The following MNAT1 variants were observed in gnomAD, a reference collection of about 807,000 sequenced individuals.
MNAT1 encodes CDK-activating kinase assembly factor MAT1.
Under a neutral mutation model 42.0 loss-of-function variants are expected in MNAT1, and 43 were observed. That is an observed-to-expected ratio of 1.02 (90% CI 0.80 to 1.32). MNAT1 has a LOEUF of 1.32. MNAT1 is among the 40% of genes most tolerant of loss of function. The pLI, the probability that MNAT1 is intolerant of heterozygous loss-of-function variation, is 0.00. For missense variants in MNAT1, 306 were observed against 350.4 expected (o/e 0.87, Z 1.01); for synonymous variants, 118 against 120.0 (o/e 0.98, Z 0.11).
intron 7 of MNAT1, among the ~76,000 whole-genome samples, chr14:60,929,166 AAAAAATAT>A (rs1336865594): frequency 1.8e-4 from 19 of 106,678 alleles, no homozygotes; most frequent in African/African-American, 8.4e-4. Context: ...AAAAAAAAAA[AAAAAATAT>A]ATATATATAT....
intron 1 of MNAT1, among the ~76,000 whole-genome samples, chr14:60,772,443 G>A (rs1391705743): frequency 2.6e-5 from 4 of 152,028 alleles, no homozygotes; most frequent in African/African-American, 4.8e-5. Context: ...AAATTAGCCC[G>A]GTGTGGTGGC....
chr14:60,938,886 A>G (rs542871517), intron 7 of MNAT1, among the ~76,000 whole-genome samples: 17 of 152,276 alleles, frequency 1.1e-4, no homozygotes, highest in Middle Eastern at 3.4e-3. Flanking sequence ...TTGGTAAGCT[A>G]TTAATTATTG....
intron 3 of MNAT1, among the ~76,000 whole-genome samples, chr14:60,804,883 T>C (rs1566773342): frequency 2.0e-5 from 3 of 152,140 alleles, no homozygotes. Flanking sequence ...CTGGGCTCTA[T>C]TTAATGGAAA....
At chr14:60,747,831 C>A (rs1566749834) in intron 1 of MNAT1, among the ~76,000 whole-genome samples, 2 of 152,182 alleles carry the variant, frequency 1.3e-5, no homozygotes, top group Non-Finnish European at 2.9e-5. Context: ...GCTTAAAACA[C>A]AAATTATGCA....
intron 3 of MNAT1, among the ~76,000 whole-genome samples, chr14:60,806,555 C>T (rs1229859149): frequency 6.6e-6 from 1 of 152,186 alleles, no homozygotes; most frequent in Non-Finnish European, 1.5e-5. Flanking sequence ...AATGGCTGGG[C>T]ATGGTGGCTC....
chr14:60,947,647 C>T (rs141571315), intron 7 of MNAT1, among the ~76,000 whole-genome samples: 1,604 of 152,270 alleles, frequency 0.011, 11 homozygotes, highest in Non-Finnish European at 0.016. Flanking sequence ...TGTGCCACTG[C>T]ACTCCAGCCT....
chr14:60,797,898 C>T (rs1337162709), intron 2 of MNAT1, among the ~76,000 whole-genome samples, 189 bp from the exon 3 acceptor site: 1 of 151,828 alleles, frequency 6.6e-6, no homozygotes, highest in Non-Finnish European at 1.5e-5. Context: ...CCACTGCACT[C>T]CAGCCTGGAC....
chr14:60,878,231 G>A (rs985030178), intron 6 of MNAT1, among the ~76,000 whole-genome samples: 2 of 152,028 alleles, frequency 1.3e-5, no homozygotes, highest in Admixed American at 1.3e-4. Context: ...CTCAATATAA[G>A]CTCCATCAGG....
chr14:60,909,840 G>GT (rs1159271363), intron 7 of MNAT1, among the ~76,000 whole-genome samples: 1 of 151,806 alleles, frequency 6.6e-6, no homozygotes, highest in Non-Finnish European at 1.5e-5. Flanking sequence ...CTTTAAAGTA[G>GT]TTTTTTCCAA....
At chr14:60,866,348 G>A (rs2034202725) in intron 6 of MNAT1, among the ~76,000 whole-genome samples, 1 of 148,560 alleles carries the variant, frequency 6.7e-6, no homozygotes, top group Non-Finnish European at 1.5e-5. Flanking sequence ...ACTTTAGAAC[G>A]GAATCCTTGT....
intron 7 of MNAT1, among the ~76,000 whole-genome samples, chr14:60,967,214 T>G (rs2036698057): frequency 6.6e-6 from 1 of 152,204 alleles, no homozygotes. Context: ...TGGATACAGA[T>G]GAAAAACAGA....
At chr14:60,883,722 T>G (rs2034599848) in intron 7 of MNAT1, among the ~76,000 whole-genome samples, 1 of 152,158 alleles carries the variant, frequency 6.6e-6, no homozygotes, top group Non-Finnish European at 1.5e-5. Context: ...ATGGAATATC[T>G]TTTGTGTGTG....
chr14:60,741,694 G>A (rs1034424744), intron 1 of MNAT1, among the ~76,000 whole-genome samples: 1 of 99,962 alleles, frequency 1.0e-5, no homozygotes, highest in African/African-American at 3.8e-5. Flanking sequence ...TTTTAGTAGA[G>A]ATGGGGTCTT....
chr14:60,968,835 G>A lies in MNAT1; in HGVS notation c.*486G>A, dbSNP rs4151413. The A allele has an allele frequency of 1.1e-3, 272 of 237,078 alleles. 10 individuals carry two copies. In the East Asian group the frequency reaches 0.031, roughly 27 times the overall value. The allele number at this position is 237,078 out of a possible 1,614,324, so 14.7% of individuals were successfully genotyped here. On this transcript the variant is annotated 3_prime_UTR_variant, in exon 8 of 8. Coordinates refer to ENST00000261245, the MANE Select transcript of MNAT1 (RefSeq NM_002431.4). ...GTCTTGTTAATACTAGTCCAGACAA[G>A]TGGATATATTTCCTTTGACCAAGTT...
intron 7 of MNAT1, among the ~76,000 whole-genome samples, chr14:60,955,458 TG>T (rs2036470775): frequency 6.6e-6 from 1 of 152,036 alleles, no homozygotes; most frequent in African/African-American, 2.4e-5. Context: ...GGTCAGGAGT[TG>T]AAGACCAGCC....
In MNAT1 at chr14:60,780,659, C is replaced by T. The variant is rs944989864; in HGVS notation, c.90-15558C>T. On this transcript the variant is annotated intron_variant, in intron 1 of 7. Transcript: ENST00000261245. ...TGTGGTTTTCCTGAAATCAAGTCAT[C>T]TATAGTTGATATGTTTTATTTCATT... 51 of 976,792 alleles carry T rather than the reference C, an allele frequency of 5.2e-5. No homozygotes were observed. The African/African-American group carries it at 7.6e-4, about 15-fold the overall frequency. The allele number at this position is 976,792 out of a possible 1,614,324, so 60.5% of individuals were successfully genotyped here.
At chr14:60,921,633 T>C (rs1347991841) in intron 7 of MNAT1, among the ~76,000 whole-genome samples, 1 of 152,176 alleles carries the variant, frequency 6.6e-6, no homozygotes, top group East Asian at 1.9e-4. Flanking sequence ...GTTGGTTCTG[T>C]TGGTACAAAA....
intron 6 of MNAT1, among the ~76,000 whole-genome samples, chr14:60,825,218 T>C (rs1319699074): frequency 6.6e-6 from 1 of 152,186 alleles, no homozygotes; most frequent in African/African-American, 2.4e-5. Flanking sequence ...AACACAGCAC[T>C]AAATACCCAC....
At chr14:60,797,762 C>G (rs1272013191) in intron 2 of MNAT1, among the ~76,000 whole-genome samples, 1 of 151,952 alleles carries the variant, frequency 6.6e-6, no homozygotes, top group Non-Finnish European at 1.5e-5. Flanking sequence ...CCCATCTCTA[C>G]TAAATACAAA....
Sources: gnomAD v4.1 joint callset for allele counts (sites outside exome capture counted in the v4.1 genomes callset) on GRCh38, gnomAD v4.1.1 for gene constraint, MANE v1.5 for transcripts, NCBI Gene and HGNC (gene_info 2026-07-23, HGNC 2026-07-21) for gene names.